Variants in CADPS2 observed in about 807,000 individuals in gnomAD.
CADPS2 encodes calcium dependent secretion activator 2.
In CADPS2, 93 loss-of-function variants were observed where a neutral mutation model predicts 172.5. The ratio of observed to expected loss-of-function variants is 0.54; its 90% CI spans 0.46 to 0.64. CADPS2 has a LOEUF of 0.64. Among genes scored for constraint, CADPS2 ranks in the 30% least tolerant of loss-of-function variants. The pLI is 0.00. For missense variants in CADPS2, 1,420 were observed against 1,565.9 expected (o/e 0.91, Z 1.57); for synonymous variants, 546 against 555.2 (o/e 0.98, Z 0.23).
intron 13 of CADPS2, among the ~76,000 whole-genome samples, chr7:122,473,714 G>A (rs561286415): frequency 2.0e-4 from 30 of 152,232 alleles, no homozygotes; most frequent in African/African-American, 6.7e-4. Flanking sequence ...AGGTTATAAA[G>A]TTTAGTCCCC....
intron 1 of CADPS2, among the ~76,000 whole-genome samples, chr7:122,832,581 A>G (rs964132617): frequency 6.6e-6 from 1 of 152,258 alleles, no homozygotes; most frequent in Non-Finnish European, 1.5e-5. Flanking sequence ...CTGTGCTACC[A>G]GAGACCTACC....
chr7:122,387,341 T>C (rs1437602565), intron 23 of CADPS2, among the ~76,000 whole-genome samples, 168 bp from the exon 24 acceptor site: 1 of 152,074 alleles, frequency 6.6e-6, no homozygotes, highest in Non-Finnish European at 1.5e-5. Flanking sequence ...TCTTTTCAAG[T>C]GTCTCAATGA....
intron 1 of CADPS2, among the ~76,000 whole-genome samples, chr7:122,783,716 G>C (rs1194254862): frequency 1.3e-5 from 2 of 152,148 alleles, no homozygotes; most frequent in Non-Finnish European, 2.9e-5. Flanking sequence ...AACCATTAGA[G>C]GATAATTGAC....
At chr7:122,329,380 C>G (rs566786687) in intron 28 of CADPS2, among the ~76,000 whole-genome samples, 1 of 152,088 alleles carries the variant, frequency 6.6e-6, no homozygotes. Flanking sequence ...GCGGGATCCA[C>G]GCAGCTGTAA....
intron 17 of CADPS2, among the ~76,000 whole-genome samples, chr7:122,417,229 G>A (rs915462421): frequency 6.6e-6 from 1 of 152,016 alleles, no homozygotes; most frequent in African/African-American, 2.4e-5. Flanking sequence ...GCTTATGATC[G>A]GTGCTCATTC....
chr7:122,441,706 A>C (rs2051375932), intron 15 of CADPS2, 131 bp from the exon 16 acceptor site: 1 of 498,586 alleles, frequency 2.0e-6, no homozygotes, highest in South Asian at 4.9e-5. Flanking sequence ...GCATGAACTC[A>C]TCCAGGGAAA....
intron 6 of CADPS2, among the ~76,000 whole-genome samples, chr7:122,601,305 A>T (rs868683326): frequency 6.6e-6 from 1 of 152,084 alleles, no homozygotes; most frequent in South Asian, 2.1e-4. Context: ...AAAAAAGGAA[A>T]GTTAAACATT....
At chr7:122,518,577 C>T (rs935041308) in intron 8 of CADPS2, among the ~76,000 whole-genome samples, 1 of 151,904 alleles carries the variant, frequency 6.6e-6, no homozygotes. Flanking sequence ...GAGAGAGTAC[C>T]TCGGCTAGGT....
intron 1 of CADPS2, among the ~76,000 whole-genome samples, chr7:122,859,406 T>C (rs1816303672): frequency 6.6e-6 from 1 of 152,200 alleles, no homozygotes; most frequent in African/African-American, 2.4e-5. Flanking sequence ...TAAGTTTCTT[T>C]TGAAATCGCT....
chr7:122,416,236 G>A (rs957308218), intron 17 of CADPS2, 72 bp from the exon 18 acceptor site: 2 of 718,604 alleles, frequency 2.8e-6, no homozygotes, highest in Non-Finnish European at 4.5e-6. Context: ...ACGTAATGAT[G>A]AGACTAGAAT....
chr7:122,466,640 T>C (rs183110174), intron 14 of CADPS2, among the ~76,000 whole-genome samples: 58 of 152,324 alleles, frequency 3.8e-4, no homozygotes, highest in East Asian at 3.1e-3. Flanking sequence ...ATTTAACTAA[T>C]ACACTGCATA....
At chr7:122,686,519 G>A (rs1214225098) in intron 2 of CADPS2, among the ~76,000 whole-genome samples, 1 of 152,160 alleles carries the variant, frequency 6.6e-6, no homozygotes, top group Non-Finnish European at 1.5e-5. Flanking sequence ...CCAGATTGCT[G>A]CCCCCTCCTC....
At chr7:122,761,697 G>A (rs909345819) in intron 1 of CADPS2, among the ~76,000 whole-genome samples, 3 of 151,556 alleles carry the variant, frequency 2.0e-5, no homozygotes, top group African/African-American at 7.3e-5. Context: ...AAAAGCTCTT[G>A]AAAATTAAAA....
chr7:122,716,981 T>C (rs547310092), intron 2 of CADPS2, among the ~76,000 whole-genome samples: 1 of 152,294 alleles, frequency 6.6e-6, no homozygotes, highest in Non-Finnish European at 1.5e-5. Context: ...TGACAAACTC[T>C]GTAACGTGGT....
chr7:122,563,106 C>A (rs2132263573), intron 7 of CADPS2, among the ~76,000 whole-genome samples: 1 of 152,164 alleles, frequency 6.6e-6, no homozygotes, highest in South Asian at 2.1e-4. Flanking sequence ...TATTAATATA[C>A]ATAGATCACT....
At chr7:122,679,463 C>G (rs1025464462) in intron 2 of CADPS2, among the ~76,000 whole-genome samples, 2 of 152,146 alleles carry the variant, frequency 1.3e-5, no homozygotes, top group African/African-American at 2.4e-5. Flanking sequence ...AATGTGTGCA[C>G]AGCAGGACGT....
At chr7:122,881,785 T>G (rs1461123007) in intron 1 of CADPS2, among the ~76,000 whole-genome samples, 1 of 152,184 alleles carries the variant, frequency 6.6e-6, no homozygotes, top group Non-Finnish European at 1.5e-5. Flanking sequence ...CACCAACAGG[T>G]ATTACCATTT....
intron 8 of CADPS2, among the ~76,000 whole-genome samples, chr7:122,538,794 C>A (rs908802770): frequency 4.6e-5 from 7 of 151,940 alleles, no homozygotes; most frequent in African/African-American, 1.7e-4. Context: ...TTGCACAGGA[C>A]TGTGAGTGGA....
rs141447201 is a variant in CADPS2 at position 122,877,436 on chromosome 7, A to G, written c.339+8563T>C. 1.1e-3 allele frequency among the ~76,000 whole-genome samples: 167 copies of G among 152,312 alleles called. 7 individuals carry two copies. In the East Asian group the frequency reaches 0.031, roughly 28 times the overall value. On this transcript the variant is annotated intron_variant, in intron 1 of 29. Coordinates refer to ENST00000449022, the MANE Select transcript of CADPS2 (RefSeq NM_017954.11). ...GTGACATATGAAACAAAAGAGGTAT[A>G]GCTATTGGACAGGACCAGACAAAAG...
Sources: allele counts gnomAD v4.1 joint callset (sites outside exome capture counted in the v4.1 genomes callset), GRCh38; gene constraint gnomAD v4.1.1; transcripts MANE v1.5; gene names NCBI Gene and HGNC (gene_info 2026-07-23, HGNC 2026-07-21).